DAPK2: variants seen among roughly 807,000 people sequenced by gnomAD.
DAPK2 encodes death associated protein kinase 2, also known as death-associated protein kinase 2.
A neutral mutation model predicts 44.1 loss-of-function variants in DAPK2; 35 were observed. The observed-to-expected ratio is 0.79, with a 90% CI of 0.61 to 1.05. The LOEUF (loss-of-function observed/expected upper bound fraction) is 1.05. DAPK2 is among the 50% of genes least tolerant of loss of function. DAPK2 has a pLI of 0.00. For synonymous variants in DAPK2, 174 were observed against 182.6 expected (o/e 0.95, Z 0.38); for missense variants, 453 against 483.2 (o/e 0.94, Z 0.59).
At chr15:64,018,756 C>A (rs1262415154) in intron 1 of DAPK2, among the ~76,000 whole-genome samples, 1 of 152,250 alleles carries the variant, frequency 6.6e-6, no homozygotes, top group South Asian at 2.1e-4. Context: ...GGTCCTCAGT[C>A]CTGGATGGAG....
At chr15:63,926,199 G>C (rs1227057874) in intron 6 of DAPK2, 106 bp from the exon 8 acceptor site, 1 of 1,334,328 alleles carries the variant, frequency 7.5e-7, no homozygotes, top group East Asian at 2.4e-5. Flanking sequence ...GAGCTGGAAG[G>C]CTCCCAGCAA....
intron 2 of DAPK2, among the ~76,000 whole-genome samples, chr15:63,981,977 G>A (rs2140846115): frequency 1.3e-5 from 2 of 152,280 alleles, no homozygotes; most frequent in Non-Finnish European, 2.9e-5. Context: ...CAATACCAGA[G>A]CATAGTTCTC....
In DAPK2 at chr15:64,005,303, C is replaced by G. The variant is rs141776945; in HGVS notation, c.93-21549G>C. On this transcript the variant is annotated intron_variant, in intron 1 of 10. Coordinates refer to ENST00000261891, the Ensembl canonical transcript of DAPK2. ...TTCCCAAAGAGCAGTAATTTCAAAC[C>G]CTTTGATTCACTTTCAGGCTCTGTG... Among the ~76,000 whole-genome samples the G allele has an allele frequency of 3.4e-4, 51 of 151,638 alleles. 1 individual carries two copies. In the East Asian group the frequency reaches 9.7e-3, roughly 29 times the overall value.
At chr15:64,035,013 C>T (rs1052465946) in intron 1 of DAPK2, among the ~76,000 whole-genome samples, 2 of 151,988 alleles carry the variant, frequency 1.3e-5, no homozygotes, top group African/African-American at 2.4e-5. Flanking sequence ...ACTAAAAGTA[C>T]AAAAATTAGC....
In DAPK2 at chr15:63,990,363, G is replaced by A. The variant is rs574735281; in HGVS notation, c.93-6609C>T. ...TAATTGTTTGAACCTGGGAGGTGGAGGTTGCAGTGAGCTGAGATCGCACCG... is the reference window on the plus strand; with the variant it reads ...TAATTGTTTGAACCTGGGAGGTGGAAGTTGCAGTGAGCTGAGATCGCACCG... On this transcript the variant is annotated intron_variant, in intron 1 of 10. Transcript: ENST00000261891. The surrounding 1 kb of genome is among the most constrained non-coding windows in gnomAD (Gnocchi z 4.3). Among the ~76,000 whole-genome samples the A allele has an allele frequency of 1.9e-3, 282 of 152,246 alleles. No homozygotes were observed. Among genetic ancestry groups the A allele is most frequent in the Non-Finnish European group, 3.0e-3 (206 of 68,018 alleles).
At chr15:63,969,965 C>A (rs2078165976) in intron 3 of DAPK2, among the ~76,000 whole-genome samples, 4 of 150,470 alleles carry the variant, frequency 2.7e-5, no homozygotes, top group Admixed American at 6.6e-5. Context: ...GAACCCTGTC[C>A]CCTCCTTCAT....
intron 8 of DAPK2, among the ~76,000 whole-genome samples, chr15:63,914,130 C>T (rs1441974658): frequency 6.6e-6 from 1 of 152,102 alleles, no homozygotes; most frequent in African/African-American, 2.4e-5. Flanking sequence ...GCCCAGGTCA[C>T]CTGGTCAGCC....
At chr15:64,032,258 G>T (rs973299285) in intron 1 of DAPK2, among the ~76,000 whole-genome samples, 3 of 152,226 alleles carry the variant, frequency 2.0e-5, no homozygotes, top group Non-Finnish European at 2.9e-5. Context: ...AGAAGGGAGT[G>T]GGGTGGATGG....
At chr15:64,024,788 C>G (rs572582466) in intron 1 of DAPK2, among the ~76,000 whole-genome samples, 8 of 152,192 alleles carry the variant, frequency 5.3e-5, no homozygotes, top group Non-Finnish European at 7.3e-5. Flanking sequence ...CCTGAGCAGT[C>G]AAGTTCAACT....
At chr15:63,935,173 C>T (rs2077107516) in intron 4 of DAPK2, among the ~76,000 whole-genome samples, 1 of 149,492 alleles carries the variant, frequency 6.7e-6, no homozygotes, top group South Asian at 2.2e-4. Flanking sequence ...TCACGACAAC[C>T]TCTGCCTCCT....
chr15:63,986,386 G>A (rs761348669), intron 1 of DAPK2, among the ~76,000 whole-genome samples: 2 of 152,208 alleles, frequency 1.3e-5, no homozygotes, highest in Non-Finnish European at 2.9e-5. Flanking sequence ...ATAAGTCACT[G>A]ATTCAAATGG....
intron 1 of DAPK2, among the ~76,000 whole-genome samples, chr15:64,038,253 T>G (rs1312537418): frequency 1.3e-5 from 2 of 152,220 alleles, no homozygotes; most frequent in African/African-American, 4.8e-5. Context: ...GGGCAGAGAC[T>G]GTCTCATCTT....
chr15:63,989,856 T>G (rs1376013656), intron 1 of DAPK2, among the ~76,000 whole-genome samples: 11 of 152,142 alleles, frequency 7.2e-5, no homozygotes, highest in Admixed American at 7.2e-4. Context: ...TATACCTGGC[T>G]AATTTTTGTA....
rs188071718 is a variant in DAPK2 at position 63,978,945 on chromosome 15, G to A, written c.314+4588C>T. ...AATGTATACATGAATGACCTGCACA[G>A]GCAGCGATAGGGGAAAAATGCTGCC... On this transcript the variant is annotated intron_variant, in intron 2 of 10. Transcript: ENST00000261891. 5.8e-4 allele frequency among the ~76,000 whole-genome samples: 88 copies of A among 152,330 alleles called. 2 individuals are homozygous for A. The highest frequency in any genetic ancestry group is 2.0e-3 in the African/African-American group (83 of 41,580).
In DAPK2 at chr15:64,020,028, G is replaced by T; in HGVS notation, c.92+20142C>A. 6.6e-6 allele frequency among the ~76,000 whole-genome samples: 1 copy of T among 152,188 alleles called. No homozygotes were observed. The highest frequency in any genetic ancestry group is 1.9e-4 in the East Asian group (1 of 5,202). ...CAAACCACTGTGTCTAATCTCAGCA[G>T]AAGCAGTCTCAGTGGCACCCGCAGG... On this transcript the variant is annotated intron_variant, in intron 1 of 10. Coordinates refer to ENST00000261891, the Ensembl canonical transcript of DAPK2. The surrounding 1 kb of genome is among the most constrained non-coding windows in gnomAD (Gnocchi z 4.5).
intron 1 of DAPK2, among the ~76,000 whole-genome samples, chr15:64,019,152 C>A (rs555063025): frequency 6.6e-6 from 1 of 152,344 alleles, no homozygotes; most frequent in East Asian, 1.9e-4. Flanking sequence ...ATTGCTCCCA[C>A]CTTCAGGTCA....
At chr15:64,017,124 C>T (rs1458750669) in intron 1 of DAPK2, among the ~76,000 whole-genome samples, 1 of 152,096 alleles carries the variant, frequency 6.6e-6, no homozygotes, top group Admixed American at 6.5e-5. Flanking sequence ...TACTGTGTTC[C>T]CTTTTCTTAC....
At position 64,013,524 on chromosome 15, in the gene DAPK2, A is replaced by T. The variant is rs1332717835; in HGVS notation, c.92+26646T>A. Reference sequence around the variant, plus strand: ...GAAGCAAATACCTTAAGAAAACATGAGGAGAAGGGGCAAGAACTTTAAAAG... The same window carrying T: ...GAAGCAAATACCTTAAGAAAACATGTGGAGAAGGGGCAAGAACTTTAAAAG... On this transcript the variant is annotated intron_variant, in intron 1 of 10. Coordinates refer to ENST00000261891, the Ensembl canonical transcript of DAPK2. This position sits in a 1 kb window ranked among gnomAD's most constrained non-coding sequence, Gnocchi z 4.7. Among the ~76,000 whole-genome samples the T allele has an allele frequency of 1.3e-5, 2 of 152,204 alleles. No homozygotes were observed. Among genetic ancestry groups the T allele is most frequent in the Admixed American group, 1.3e-4 (2 of 15,282 alleles).
chr15:63,963,600 G>A (rs931429453), intron 3 of DAPK2, among the ~76,000 whole-genome samples: 1 of 151,956 alleles, frequency 6.6e-6, no homozygotes, highest in Non-Finnish European at 1.5e-5. Flanking sequence ...TTTTATTTCT[G>A]GTTGTTTTGT....
Sources: allele counts gnomAD v4.1 joint callset (sites outside exome capture counted in the v4.1 genomes callset), GRCh38; gene constraint gnomAD v4.1.1; non-coding constraint Gnocchi (gnomAD v3.1); transcripts MANE v1.5; gene names NCBI Gene and HGNC (gene_info 2026-07-23, HGNC 2026-07-21).